ACSS3: variants seen among roughly 807,000 people sequenced by gnomAD.
The protein encoded by ACSS3 is acyl-CoA synthetase short chain family member 3.
A neutral mutation model predicts 84.2 loss-of-function variants in ACSS3; 64 were observed. The observed-to-expected ratio is 0.76, with a 90% CI of 0.62 to 0.94. The LOEUF is 0.94. Among genes scored for constraint, ACSS3 ranks in the 40% least tolerant of loss-of-function variants. ACSS3 has a pLI of 0.00. For missense variants in ACSS3, 815 were observed against 867.6 expected (o/e 0.94, Z 0.76); for synonymous variants, 317 against 310.1 (o/e 1.02, Z -0.23).
At chr12:81,235,069 C>A (rs2033588042) in intron 13 of ACSS3, among the ~76,000 whole-genome samples, 1 of 150,890 alleles carries the variant, frequency 6.6e-6, no homozygotes, top group Admixed American at 6.6e-5. Flanking sequence ...ACATTTATAT[C>A]ATTTTAAATT....
chr12:81,203,350 A>G (rs1267128808), intron 9 of ACSS3, among the ~76,000 whole-genome samples: 1 of 152,166 alleles, frequency 6.6e-6, no homozygotes, highest in Non-Finnish European at 1.5e-5. Context: ...TCTCTTCTGG[A>G]AACATCTTCA....
chr12:81,200,467 T>TAAAA, intron 9 of ACSS3, among the ~76,000 whole-genome samples: 1 of 152,328 alleles, frequency 6.6e-6, no homozygotes, highest in Admixed American at 6.5e-5. Flanking sequence ...GCTCTGATTG[T>TAAAA]AAAAATGATT....
chr12:81,164,797 A>C (rs942652561), intron 7 of ACSS3, among the ~76,000 whole-genome samples: 2 of 152,182 alleles, frequency 1.3e-5, no homozygotes, highest in African/African-American at 4.8e-5. Flanking sequence ...TATTTATATT[A>C]ACCAGTTTAA....
At chr12:81,248,478 T>C (rs1237512024) in intron 13 of ACSS3, among the ~76,000 whole-genome samples, 1 of 151,952 alleles carries the variant, frequency 6.6e-6, no homozygotes, top group Non-Finnish European at 1.5e-5. Flanking sequence ...TCTATCCTCA[T>C]TCATATATGG....
At chr12:81,190,136 A>G (rs1419596285) in intron 8 of ACSS3, among the ~76,000 whole-genome samples, 1 of 152,118 alleles carries the variant, frequency 6.6e-6, no homozygotes, top group Non-Finnish European at 1.5e-5. Context: ...ATTTGTTTTG[A>G]ATATTCTTGG....
intron 2 of ACSS3, 22 bp downstream of exon 2, chr12:81,109,726 A>T (rs1565980665): frequency 5.3e-6 from 8 of 1,516,326 alleles, no homozygotes; most frequent in Non-Finnish European, 7.1e-6. Flanking sequence ...AACTTTATAT[A>T]TGTATATATG....
intron 9 of ACSS3, among the ~76,000 whole-genome samples, chr12:81,213,955 C>CTT (rs1565724251): frequency 1.1e-3 from 38 of 34,124 alleles, no homozygotes; most frequent in South Asian, 3.3e-3. Context: ...CTCTCCCTCT[C>CTT]TCTCTTTCTT....
At chr12:81,223,135 C>G (rs1267816084) in intron 11 of ACSS3, among the ~76,000 whole-genome samples, 1 of 152,034 alleles carries the variant, frequency 6.6e-6, no homozygotes, top group Non-Finnish European at 1.5e-5. Flanking sequence ...TAGCACAGTG[C>G]TCACTGTTAT....
At chr12:81,153,964 G>C (rs1886744635) in intron 7 of ACSS3, among the ~76,000 whole-genome samples, 1 of 152,000 alleles carries the variant, frequency 6.6e-6, no homozygotes, top group African/African-American at 2.4e-5. Flanking sequence ...TTTATATCTT[G>C]CGGACTTGAT....
At chr12:81,223,784 C>T (rs1380478218) in intron 11 of ACSS3, among the ~76,000 whole-genome samples, 1 of 151,920 alleles carries the variant, frequency 6.6e-6, no homozygotes, top group African/African-American at 2.4e-5. Context: ...GGGATTTAAC[C>T]CAGATCTCTC....
At chr12:81,157,921 G>A (rs941248311) in intron 7 of ACSS3, among the ~76,000 whole-genome samples, 1 of 143,740 alleles carries the variant, frequency 7.0e-6, no homozygotes, top group African/African-American at 2.6e-5. Flanking sequence ...TTGCATAAAT[G>A]ATTACAGAAT....
intron 13 of ACSS3, among the ~76,000 whole-genome samples, chr12:81,248,513 A>G (rs140930156): frequency 2.6e-5 from 4 of 152,096 alleles, no homozygotes; most frequent in Non-Finnish European, 4.4e-5. Flanking sequence ...TATCTTACAG[A>G]AACAGAGAGT....
At chr12:81,183,611 T>A (rs924725836) in intron 8 of ACSS3, among the ~76,000 whole-genome samples, 2 of 152,038 alleles carry the variant, frequency 1.3e-5, no homozygotes, top group Non-Finnish European at 2.9e-5. Flanking sequence ...AAGGGGAACA[T>A]CCATGTAAAT....
intron 8 of ACSS3, among the ~76,000 whole-genome samples, chr12:81,190,347 A>G (rs975448352): frequency 6.6e-6 from 1 of 152,148 alleles, no homozygotes; most frequent in East Asian, 1.9e-4. Context: ...AAAATCTTGC[A>G]TATCTTTTTA....
At chr12:81,214,094 C>T (rs965004024) in intron 9 of ACSS3, among the ~76,000 whole-genome samples, 1 of 149,158 alleles carries the variant, frequency 6.7e-6, no homozygotes, top group East Asian at 2.0e-4. Context: ...CGTGTGATCT[C>T]GGCTCACTGC....
chr12:81,253,445 A>G, intron 14 of ACSS3, 39 bp downstream of exon 14: 1 of 1,613,126 alleles, frequency 6.2e-7, no homozygotes, highest in Non-Finnish European at 8.5e-7. Flanking sequence ...TGGGACCTGA[A>G]TAATTAACTA....
At chr12:81,077,910 C>T, upstream of ACSS3, 1 of 519,366 alleles carries the variant, frequency 1.9e-6, no homozygotes, top group Non-Finnish European at 3.3e-6. Flanking sequence ...GGCGCTGTGA[C>T]ACCCCTGTCC....
chr12:81,137,238 G>T (rs988825864), intron 3 of ACSS3, among the ~76,000 whole-genome samples: 1 of 150,066 alleles, frequency 6.7e-6, no homozygotes, highest in African/African-American at 2.5e-5. Flanking sequence ...AAAAAATTTT[G>T]ATAAGATATA....
chr12:81,085,957 C>T (rs147894226), intron 1 of ACSS3, among the ~76,000 whole-genome samples: 1 of 152,178 alleles, frequency 6.6e-6, no homozygotes, highest in Admixed American at 6.5e-5. Context: ...ATCTTGTAAT[C>T]GCAAATTTTC....
Sources: allele counts gnomAD v4.1 joint callset (sites outside exome capture counted in the v4.1 genomes callset), GRCh38; gene constraint gnomAD v4.1.1; transcripts MANE v1.5; gene names NCBI Gene and HGNC (gene_info 2026-07-23, HGNC 2026-07-21).